Variants in FGD4 observed in about 807,000 individuals in gnomAD.
FGD4 encodes FYVE, RhoGEF and PH domain containing 4.
A neutral mutation model predicts 102.0 loss-of-function variants in FGD4; 42 were observed. The ratio of observed to expected loss-of-function variants is 0.41; its 90% confidence interval spans 0.32 to 0.53. FGD4 has a LOEUF of 0.53. FGD4 is among the 20% of genes least tolerant of loss of function. FGD4 has a pLI of 0.21. For synonymous variants in FGD4, 380 were observed against 375.7 expected, an observed-to-expected ratio of 1.01 and a Z score of -0.13; for missense variants, 902 against 1,078.2, an observed-to-expected ratio of 0.84 and a Z score of 2.29.
intron 1 of FGD4, among the ~76,000 whole-genome samples, chr12:32,410,342 T>A (rs1000082146): frequency 6.7e-6 from 1 of 148,758 alleles, no homozygotes; most frequent in Non-Finnish European, 1.5e-5. Context: ...AAAAAAAAAT[T>A]GCCAGTATGG....
intron 5 of FGD4, among the ~76,000 whole-genome samples, chr12:32,599,239 A>G (rs1450390106): frequency 6.6e-6 from 1 of 151,710 alleles, no homozygotes; most frequent in East Asian, 1.9e-4. Flanking sequence ...TCACGCCTGT[A>G]ATCCCAGCAC....
At chr12:32,455,853 G>GATAGA (rs1450980290) in intron 1 of FGD4, among the ~76,000 whole-genome samples, 8 of 152,114 alleles carry the variant, frequency 5.3e-5, no homozygotes, top group Admixed American at 3.3e-4. Flanking sequence ...AATAATAGCA[G>GATAGA]ATAGTCACAG....
At chr12:32,498,702 CA>C (rs1364546248) in intron 1 of FGD4, among the ~76,000 whole-genome samples, 3 of 152,102 alleles carry the variant, frequency 2.0e-5, no homozygotes, top group African/African-American at 7.2e-5. Flanking sequence ...CTCCTGGGTT[CA>C]AGCGATTCTC....
rs140085203 is a variant in FGD4 at position 32,613,355 on chromosome 12, A to G, written c.1749+2072A>G. Among the ~76,000 whole-genome samples the G allele has an allele frequency of 4.6e-5, 7 of 152,288 alleles. No homozygotes were observed. In the East Asian group the frequency reaches 1.3e-3, roughly 29 times the overall value. ...CATGGAAAATGCATGTTATGAAAAA[A>G]CTATGCGTAGATTTCAAAGCTTTTT... On this transcript the variant is annotated intron_variant, in intron 10 of 16. Coordinates refer to ENST00000534526, the MANE Select transcript of FGD4 (RefSeq NM_001370298.3).
chr12:32,546,312 C>T (rs1188631978), intron 1 of FGD4, among the ~76,000 whole-genome samples: 1 of 152,188 alleles, frequency 6.6e-6, no homozygotes, highest in Non-Finnish European at 1.5e-5. Flanking sequence ...CATTCTCCCG[C>T]CTCAGCCTTC....
chr12:32,561,713 T>G (rs1944609350), intron 1 of FGD4, among the ~76,000 whole-genome samples: 1 of 152,244 alleles, frequency 6.6e-6, no homozygotes, highest in African/African-American at 2.4e-5. Flanking sequence ...AAATCTAATA[T>G]GCATAATAGA....
intron 14 of FGD4, among the ~76,000 whole-genome samples, chr12:32,630,051 A>G (rs1214843557): frequency 1.3e-5 from 2 of 152,138 alleles, no homozygotes; most frequent in Non-Finnish European, 2.9e-5. Flanking sequence ...TCCAGGCCCC[A>G]TGGGCTGTCT....
intron 1 of FGD4, among the ~76,000 whole-genome samples, chr12:32,543,776 G>A (rs997374111): frequency 2.6e-5 from 4 of 152,008 alleles, no homozygotes; most frequent in Admixed American, 2.0e-4. Flanking sequence ...ACAGATGCCC[G>A]CCACCACGCC....
chr12:32,608,717 G>T (rs1369141011), intron 8 of FGD4, among the ~76,000 whole-genome samples: 1 of 152,112 alleles, frequency 6.6e-6, no homozygotes, highest in Non-Finnish European at 1.5e-5. Flanking sequence ...GTAAAGGCAT[G>T]AATGAAAATT....
intron 14 of FGD4, among the ~76,000 whole-genome samples, chr12:32,628,424 T>C (rs138943661): frequency 6.6e-6 from 1 of 151,336 alleles, no homozygotes; most frequent in African/African-American, 2.4e-5. Flanking sequence ...TGGAAGAGTT[T>C]GATTCTAGAG....
chr12:32,576,323 C>G lies in FGD4; in HGVS notation c.377C>G (p.Pro126Arg), dbSNP rs1401478746. The change falls in exon 3 of 17, where the codon CCC (proline) becomes CGC (arginine). Residue 126 changes from proline (P) to arginine (R), a missense_variant. Physicochemically the swap from Pro to Arg is moderately radical, Grantham distance 103. Around this residue, in one of 2 missense-constraint regions of FGD4, gnomAD observed 443 missense variants for 459.2 expected, o/e 0.96. Coordinates refer to ENST00000534526, the MANE Select transcript of FGD4 (RefSeq NM_001370298.3). ...CCTTCGTCCAATATACACCAAACCC[C>G]CAGGCATAAAGCTTTACCTAGTGCA... ...NSPSSNIHQT[P>R]RHKALPSAKP... 1.9e-6 allele frequency: 3 copies of G among 1,613,784 alleles called. No individual in the cohort carries two copies. Among genetic ancestry groups the G allele is most frequent in the Non-Finnish European group, 2.5e-6 (3 of 1,179,922 alleles).
intron 4 of FGD4, among the ~76,000 whole-genome samples, chr12:32,595,045 AAC>A (rs1287479911): frequency 4.0e-5 from 6 of 149,952 alleles, no homozygotes; most frequent in African/African-American, 7.6e-5. Flanking sequence ...AAAAAAAAAA[AAC>A]AACACAGCAA....
At chr12:32,530,110 A>G (rs1941651564) in intron 1 of FGD4, among the ~76,000 whole-genome samples, 1 of 152,116 alleles carries the variant, frequency 6.6e-6, no homozygotes, top group South Asian at 2.1e-4. Context: ...GATCATTTCC[A>G]TGGAAAATGG....
intron 15 of FGD4, among the ~76,000 whole-genome samples, chr12:32,636,584 A>T (rs921934290): frequency 6.6e-6 from 1 of 151,874 alleles, no homozygotes; most frequent in Non-Finnish European, 1.5e-5. Context: ...TTTTTCCTGA[A>T]CTATCACAGA....
At chr12:32,536,804 A>G (rs17537724) in intron 1 of FGD4, among the ~76,000 whole-genome samples, 3,324 of 152,358 alleles carry the variant, frequency 0.022, 84 homozygotes, top group South Asian at 0.098. Flanking sequence ...CTCTTAGAGA[A>G]TAAGTACACA....
chr12:32,447,431 G>A (rs1408097463), intron 1 of FGD4, among the ~76,000 whole-genome samples: 1 of 152,146 alleles, frequency 6.6e-6, no homozygotes, highest in Admixed American at 6.5e-5. Context: ...GACTCAAATA[G>A]AGGCTACTAA....
intron 11 of FGD4, among the ~76,000 whole-genome samples, chr12:32,622,155 G>T (rs1004566314): frequency 2.0e-5 from 3 of 152,212 alleles, no homozygotes; most frequent in Non-Finnish European, 4.4e-5. Context: ...AAAGTGCTGG[G>T]ATTACAGGCA....
At chr12:32,459,254 T>TA (rs1313818018) in intron 1 of FGD4, among the ~76,000 whole-genome samples, 7 of 145,892 alleles carry the variant, frequency 4.8e-5, no homozygotes, top group Non-Finnish European at 1.0e-4. Flanking sequence ...AATCCATCGA[T>TA]ACACTCTCTG....
intron 3 of FGD4, among the ~76,000 whole-genome samples, chr12:32,580,176 C>A (rs934869139): frequency 1.3e-5 from 2 of 152,110 alleles, no homozygotes; most frequent in Non-Finnish European, 2.9e-5. Flanking sequence ...ATGGTTTGAC[C>A]TCTGGCTTTT....
Sources: allele counts gnomAD v4.1 joint callset (sites outside exome capture counted in the v4.1 genomes callset), GRCh38; gene constraint gnomAD v4.1.1; regional missense constraint gnomAD v4.1.1; transcripts MANE v1.5; gene names NCBI Gene and HGNC (gene_info 2026-07-23, HGNC 2026-07-21).